PPP3CA: variants seen among roughly 807,000 people sequenced by gnomAD.
The protein encoded by PPP3CA is CAM-PRP catalytic subunit.
Under a neutral mutation model 66.5 loss-of-function variants are expected in PPP3CA, and 14 were observed. That is an observed-to-expected ratio of 0.21 (90% CI 0.14 to 0.33). The LOEUF (loss-of-function observed/expected upper bound fraction) is 0.33, where lower values mean the gene tolerates loss of function less well. Ranked by LOEUF, PPP3CA falls within the 10% of genes least tolerant of loss-of-function variation. PPP3CA has a pLI of 1.00. For missense variants in PPP3CA, 317 were observed against 639.5 expected, an observed-to-expected ratio of 0.50 and a Z score of 5.44; for synonymous variants, 232 against 226.2, an observed-to-expected ratio of 1.03 and a Z score of -0.23.
intron 1 of PPP3CA, among the ~76,000 whole-genome samples, chr4:101,308,120 T>C (rs750925339): frequency 9.9e-5 from 15 of 152,226 alleles, no homozygotes; most frequent in Non-Finnish European, 1.9e-4. Context: ...TGTCCACATA[T>C]GACAAGGAAT....
intron 1 of PPP3CA, among the ~76,000 whole-genome samples, chr4:101,332,453 T>C (rs1406661238): frequency 3.3e-5 from 5 of 152,098 alleles, no homozygotes; most frequent in African/African-American, 1.2e-4. Flanking sequence ...CTGTCAAATA[T>C]CACAGAAACC....
rs1724177297 is a variant in PPP3CA, at chr4:101,179,764, G to A, written c.259+16152C>T. On this transcript the variant is annotated intron_variant, in intron 2 of 13. Coordinates refer to ENST00000394854, the MANE Select transcript of PPP3CA (RefSeq NM_000944.5). The stretch of plus-strand genomic sequence containing the variant: ...TAAAATATTTGAATCAAGATAATTT[G>A]TCAATCTTAATGCCTATTCTTCCAT... 2.6e-5 allele frequency among the ~76,000 whole-genome samples: 4 copies of A among 152,170 alleles called. No homozygotes were observed. The South Asian group carries it at 8.3e-4, about 32-fold the overall frequency.
chr4:101,045,655 C>CG (rs1252471719), intron 10 of PPP3CA, among the ~76,000 whole-genome samples: 1 of 151,982 alleles, frequency 6.6e-6, no homozygotes, highest in South Asian at 2.1e-4. Context: ...TGAGTAAACG[C>CG]GGAAGATGGT....
intron 1 of PPP3CA, among the ~76,000 whole-genome samples, chr4:101,333,993 C>T (rs575344837): frequency 1.1e-4 from 16 of 152,300 alleles, no homozygotes; most frequent in African/African-American, 3.1e-4. Flanking sequence ...CTGACACATA[C>T]GTGAGCAGGA....
At chr4:101,213,367 A>G (rs191957757) in intron 1 of PPP3CA, among the ~76,000 whole-genome samples, 9 of 152,310 alleles carry the variant, frequency 5.9e-5, no homozygotes, top group Non-Finnish European at 8.8e-5. Flanking sequence ...CTGTAGTCGT[A>G]TAATACTGGT....
intron 1 of PPP3CA, among the ~76,000 whole-genome samples, chr4:101,284,555 T>C (rs1028099240): frequency 1.3e-5 from 2 of 152,184 alleles, no homozygotes; most frequent in Non-Finnish European, 2.9e-5. Context: ...AACATAATTC[T>C]GCAAATCTCA....
chr4:101,271,934 G>A (rs907499833), intron 1 of PPP3CA, among the ~76,000 whole-genome samples: 3 of 152,152 alleles, frequency 2.0e-5, no homozygotes, highest in Non-Finnish European at 4.4e-5. Flanking sequence ...AATTTAAAAT[G>A]TAACATTTTA....
At chr4:101,294,727 G>C (rs926957395) in intron 1 of PPP3CA, among the ~76,000 whole-genome samples, 7 of 151,940 alleles carry the variant, frequency 4.6e-5, no homozygotes, top group East Asian at 1.9e-4. Flanking sequence ...GTTGTGGGGG[G>C]AGTTCTATGC....
At chr4:101,264,033 A>C (rs1384784729) in intron 1 of PPP3CA, among the ~76,000 whole-genome samples, 1 of 152,238 alleles carries the variant, frequency 6.6e-6, no homozygotes, top group African/African-American at 2.4e-5. Flanking sequence ...TCACAAGATT[A>C]GCTTAGTACA....
chr4:101,240,078 A>G (rs1444281051), intron 1 of PPP3CA, among the ~76,000 whole-genome samples: 2 of 151,368 alleles, frequency 1.3e-5, no homozygotes, highest in Admixed American at 6.6e-5. Context: ...TAGTTACTGG[A>G]ACACAAGATC....
chr4:101,035,451 GA>G (rs1727202451), intron 11 of PPP3CA, among the ~76,000 whole-genome samples: 1 of 152,132 alleles, frequency 6.6e-6, no homozygotes, highest in South Asian at 2.1e-4. Context: ...CCAACAGTAG[GA>G]AGATCTTTTT....
At chr4:101,034,927 T>C (rs1727173480) in intron 11 of PPP3CA, among the ~76,000 whole-genome samples, 1 of 152,128 alleles carries the variant, frequency 6.6e-6, no homozygotes, top group Non-Finnish European at 1.5e-5. Flanking sequence ...TCATGAGTGA[T>C]TATAATTCCT....
chr4:101,324,909 T>C (rs993455454), intron 1 of PPP3CA, among the ~76,000 whole-genome samples: 5 of 152,240 alleles, frequency 3.3e-5, no homozygotes, highest in Admixed American at 6.5e-5. Context: ...CAAGTTGAAA[T>C]GTTCTCTTCA....
intron 1 of PPP3CA, among the ~76,000 whole-genome samples, chr4:101,265,085 G>C (rs1360029201): frequency 6.6e-6 from 1 of 152,108 alleles, no homozygotes; most frequent in African/African-American, 2.4e-5. Context: ...GAATTTTGTT[G>C]TATTGTAGGT....
chr4:101,208,826 A>G (rs567745380), intron 1 of PPP3CA, among the ~76,000 whole-genome samples: 3 of 152,326 alleles, frequency 2.0e-5, no homozygotes, highest in Admixed American at 1.3e-4. Context: ...CTCATTCCCA[A>G]AAGAGTGAAT....
At chr4:101,152,983 G>C (rs2110300024) in intron 2 of PPP3CA, among the ~76,000 whole-genome samples, 1 of 152,240 alleles carries the variant, frequency 6.6e-6, no homozygotes, top group South Asian at 2.1e-4. Context: ...GGTTTATCTG[G>C]GTCAAAGGGG....
At chr4:101,106,458 A>AGAGAAG (rs1560605216) in intron 3 of PPP3CA, among the ~76,000 whole-genome samples, 1 of 32,676 alleles carries the variant, frequency 3.1e-5, no homozygotes, top group Non-Finnish European at 5.8e-5. Context: ...AGAAAGAGAA[A>AGAGAAG]AGAAAAGAAA....
chr4:101,163,623 C>G (rs1392035142), intron 2 of PPP3CA, among the ~76,000 whole-genome samples: 1 of 152,122 alleles, frequency 6.6e-6, no homozygotes, highest in African/African-American at 2.4e-5. Flanking sequence ...GCTTCCCTCT[C>G]TTCTCTTTCT....
At chr4:101,345,899 G>A (rs74885981) in intron 1 of PPP3CA, among the ~76,000 whole-genome samples, 1 of 152,234 alleles carries the variant, frequency 6.6e-6, no homozygotes, top group Non-Finnish European at 1.5e-5. Context: ...TCACTTGGGA[G>A]GTGTGCACGA....
Sources: gnomAD v4.1 joint callset for allele counts (sites outside exome capture counted in the v4.1 genomes callset) on GRCh38, gnomAD v4.1.1 for gene constraint, MANE v1.5 for transcripts, NCBI Gene and HGNC (gene_info 2026-07-23, HGNC 2026-07-21) for gene names.